GALNT16: variants seen among roughly 807,000 people sequenced by gnomAD.
GALNT16 encodes the protein UDP-GalNAc:polypeptide N-acetylgalactosaminyltransferase-like protein 1.
GALNT16 carries 40 observed loss-of-function variants against 76.1 expected under a neutral mutation model. The observed-to-expected ratio is 0.53, with a 90% confidence interval of 0.41 to 0.68. GALNT16 has a LOEUF of 0.68. Among genes scored for constraint, GALNT16 ranks in the 30% least tolerant of loss-of-function variants. The probability of loss-of-function intolerance (pLI) is 0.00; values close to 1 mark genes in which losing one functional copy is unlikely to be tolerated. For synonymous variants in GALNT16, 276 were observed against 285.2 expected (o/e 0.97, Z 0.32); for missense variants, 621 against 731.9 (o/e 0.85, Z 1.75).
chr14:69,259,930 C>G (rs1489584215), upstream of GALNT16: 1 of 188,654 alleles, frequency 5.3e-6, no homozygotes, highest in African/African-American at 2.4e-5. Flanking sequence ...TCGCCGGGTT[C>G]CCGGGCGCGG....
chr14:69,375,830 G>C, the GALNT16 span, among the ~76,000 whole-genome samples: 1 of 152,156 alleles, frequency 6.6e-6, no homozygotes, highest in Non-Finnish European at 1.5e-5. Flanking sequence ...TAGAGACAGG[G>C]TCTTGCTATG....
intron 12 of GALNT16, among the ~76,000 whole-genome samples, chr14:69,342,466 A>T (rs2045501128): frequency 3.2e-5 from 1 of 30,830 alleles, no homozygotes. Context: ...AAGGTGGAAG[A>T]AGGAAGGAAG....
chr14:69,321,836 GC>G (rs2045191330), intron 2 of GALNT16, among the ~76,000 whole-genome samples: 2 of 152,222 alleles, frequency 1.3e-5, no homozygotes, highest in Non-Finnish European at 2.9e-5. Flanking sequence ...TGGCCAGGGC[GC>G]TGTTGGAGCT....
intron 1 of GALNT16, among the ~76,000 whole-genome samples, chr14:69,314,542 A>G (rs1488653924): frequency 6.6e-6 from 1 of 152,176 alleles, no homozygotes; most frequent in African/African-American, 2.4e-5. Flanking sequence ...AACCTGCAGC[A>G]CCTTGTCTGG....
At position 69,347,431 on chromosome 14, in the gene GALNT16, T is replaced by C. The variant is rs1004916613; in HGVS notation, c.1413+250T>C. The stretch of plus-strand genomic sequence containing the variant: ...GAGCTGCCCAGATAGTGCCCAGTTG[T>C]CTCCTGAGATCCAGCTGGGGTCGGC... On this transcript the variant is annotated intron_variant, in intron 13 of 14. Transcript: ENST00000448469. Among the ~76,000 whole-genome samples the C allele has an allele frequency of 5.3e-5, 8 of 152,162 alleles. No individual in the cohort carries two copies. The South Asian group carries it at 1.7e-3, about 32-fold the overall frequency.
At chr14:69,296,820 G>GATAC (rs1304552432) in intron 1 of GALNT16, among the ~76,000 whole-genome samples, 2 of 61,154 alleles carry the variant, frequency 3.3e-5, no homozygotes. Context: ...TAGATAGATA[G>GATAC]ATAGATAGAT....
intron 12 of GALNT16, among the ~76,000 whole-genome samples, chr14:69,344,191 T>A (rs75972977): frequency 0.026 from 3,957 of 152,354 alleles, 77 homozygotes; most frequent in East Asian, 0.086. Flanking sequence ...CTGCCGTGGC[T>A]CTGCCCCTTC....
At chr14:69,325,582 G>A (rs2045271377) in intron 4 of GALNT16, among the ~76,000 whole-genome samples, 178 bp downstream of exon 4, 1 of 152,200 alleles carries the variant, frequency 6.6e-6, no homozygotes, top group Non-Finnish European at 1.5e-5. Context: ...GTCAAAGGAG[G>A]GGAAAGAAGG....
At chr14:69,302,322 T>C (rs2044865433) in intron 1 of GALNT16, among the ~76,000 whole-genome samples, 1 of 152,196 alleles carries the variant, frequency 6.6e-6, no homozygotes. Context: ...TAATAACTGT[T>C]TTTTTAAAAA....
chr14:69,380,657 AATAAG>A, the GALNT16 span: 2 of 1,490,354 alleles, frequency 1.3e-6, no homozygotes, highest in East Asian at 4.5e-5. Flanking sequence ...AGAGAAAGGG[AATAAG>A]CAAAGTCACA....
intron 1 of GALNT16, among the ~76,000 whole-genome samples, chr14:69,319,346 A>G (rs1026385): frequency 0.035 from 5,400 of 152,282 alleles, 180 homozygotes; most frequent in South Asian, 0.14. Flanking sequence ...TCCCAGTGTC[A>G]TTCCACACAG....
At chr14:69,310,124 T>C (rs2044995080) in intron 1 of GALNT16, among the ~76,000 whole-genome samples, 1 of 152,096 alleles carries the variant, frequency 6.6e-6, no homozygotes, top group South Asian at 2.1e-4. Flanking sequence ...CCTCTATTGA[T>C]CTGTTTATAG....
At position 69,338,719 on chromosome 14, in the gene GALNT16, G is replaced by A; in HGVS notation, c.1036G>A (p.Val346Ile). The A allele has an allele frequency of 6.2e-7, 1 of 1,614,000 alleles. No individual in the cohort carries two copies. The highest frequency in any genetic ancestry group is 8.5e-7 in the Non-Finnish European group (1 of 1,179,948). ...CGTCCCCTGCAGCCGGGTGGGCCAT[G>A]TCTTCAGGAAACGGCACCCCTACAA... ...EIVPCSRVGH[V>I]FRKRHPYNFP... is the part of the protein sequence containing the mutation. Residue 346 changes from valine (V) to isoleucine (I), a missense_variant, in exon 10 of 15, where the codon GTC becomes ATC. Val to Ile is a conservative substitution (Grantham distance 29). Coordinates refer to ENST00000448469, the MANE Select transcript of GALNT16 (RefSeq NM_001168368.2).
chr14:69,293,724 T>C (rs2044716343), intron 1 of GALNT16, among the ~76,000 whole-genome samples: 1 of 152,148 alleles, frequency 6.6e-6, no homozygotes. Flanking sequence ...AGGAGAGTTG[T>C]GAGGCTTAAG....
rs1482652752 is a variant in GALNT16, at chr14:69,261,214, G to A, written c.177+747G>A. Among the ~76,000 whole-genome samples the A allele has an allele frequency of 6.6e-6, 1 of 151,836 alleles. No homozygotes were observed. The highest frequency in any genetic ancestry group is 1.5e-5 in the Non-Finnish European group (1 of 67,888). On this transcript the variant is annotated intron_variant, in intron 1 of 14. Transcript: ENST00000448469. This position sits in a 1 kb window ranked among gnomAD's most constrained non-coding sequence, Gnocchi z 6.4. ...GAAACAAAGGCAGTGTGGCACAGCG[G>A]GGGCGGCGGCGGGGCTGCGGGGGCC... is the stretch of plus-strand genomic sequence containing the variant.
chr14:69,275,217 C>T lies in GALNT16; in HGVS notation c.177+14750C>T, dbSNP rs375489458. ...GAAGGGTGCAGCCTGGGGAGAGCCCCTGCAATTGGCTTAGCCTCTCCAAAG... is the reference window on the plus strand; with the variant it reads ...GAAGGGTGCAGCCTGGGGAGAGCCCTTGCAATTGGCTTAGCCTCTCCAAAG... On this transcript the variant is annotated intron_variant, in intron 1 of 14. Transcript: ENST00000448469. 3.6e-4 allele frequency among the ~76,000 whole-genome samples: 55 copies of T among 151,866 alleles called. No homozygotes were observed. In the South Asian group the frequency reaches 0.011, roughly 31 times the overall value.
the GALNT16 span, chr14:69,380,526 C>T: frequency 9.1e-7 from 1 of 1,100,066 alleles, no homozygotes; most frequent in Non-Finnish European, 1.4e-6. Context: ...CCCCCCAGTG[C>T]TTCCAACACA....
chr14:69,341,832 T>A, intron 12 of GALNT16, 68 bp downstream of exon 12: 1 of 981,144 alleles, frequency 1.0e-6, no homozygotes, highest in Non-Finnish European at 1.6e-6. Flanking sequence ...GCGGCTTTGG[T>A]CCCACCCCAC....
downstream of GALNT16, among the ~76,000 whole-genome samples, chr14:69,361,607 G>A (rs897850871): frequency 6.6e-6 from 1 of 152,188 alleles, no homozygotes; most frequent in African/African-American, 2.4e-5. Context: ...CCCACATCCC[G>A]TATCCTTACA....
Sources: allele counts gnomAD v4.1 joint callset (sites outside exome capture counted in the v4.1 genomes callset), GRCh38; gene constraint gnomAD v4.1.1; non-coding constraint Gnocchi (gnomAD v3.1); transcripts MANE v1.5; gene names NCBI Gene and HGNC (gene_info 2026-07-23, HGNC 2026-07-21).